The following PLA2R1 variants were observed in gnomAD, a reference collection of about 807,000 sequenced individuals.
The protein encoded by PLA2R1 is secretory phospholipase A2 receptor.
A neutral mutation model predicts 195.9 loss-of-function variants in PLA2R1; 158 were observed. The ratio of observed to expected loss-of-function variants is 0.81; its 90% CI spans 0.71 to 0.92. The LOEUF (loss-of-function observed/expected upper bound fraction) is 0.92, where lower values mean the gene tolerates loss of function less well. PLA2R1 is among the 40% of genes least tolerant of loss of function. The pLI is 0.00. For synonymous variants in PLA2R1, 586 were observed against 598.2 expected (o/e 0.98, Z 0.30); for missense variants, 1,626 against 1,764.6 (o/e 0.92, Z 1.41).
chr2:160,035,692 G>A (rs1172257919), intron 3 of PLA2R1, among the ~76,000 whole-genome samples: 1 of 152,154 alleles, frequency 6.6e-6, no homozygotes, highest in African/African-American at 2.4e-5. Flanking sequence ...TTTTCATGGT[G>A]TTATAAATAG....
intron 1 of PLA2R1, among the ~76,000 whole-genome samples, chr2:160,059,091 A>C (rs1368836012): frequency 6.6e-6 from 1 of 152,192 alleles, no homozygotes. Flanking sequence ...TCACATGCAC[A>C]GTTCACAATA....
In PLA2R1 at chr2:160,018,871, G is replaced by T. The variant is rs143945891; in HGVS notation, c.1452+1235C>A. 2.0e-3 allele frequency among the ~76,000 whole-genome samples: 307 copies of T among 152,328 alleles called. 1 individual carries two copies. Among genetic ancestry groups the T allele is most frequent in the Non-Finnish European group, 3.6e-3 (248 of 68,024 alleles). ...AGTGCTTAGAAATGCTTCCTGTTTT[G>T]CTGGCATAATTACTTTGTCAAGCCA... is the stretch of plus-strand genomic sequence containing the variant. On this transcript the variant is annotated intron_variant, in intron 8 of 29. Coordinates refer to ENST00000283243, the MANE Select transcript of PLA2R1 (RefSeq NM_007366.5).
chr2:160,031,808 C>A (rs921827355), intron 4 of PLA2R1, among the ~76,000 whole-genome samples: 1 of 152,012 alleles, frequency 6.6e-6, no homozygotes. Flanking sequence ...GTTCTGCCAC[C>A]CAGGCTGGAG....
At chr2:160,052,120 T>G (rs769887349) in intron 1 of PLA2R1, among the ~76,000 whole-genome samples, 6 of 152,232 alleles carry the variant, frequency 3.9e-5, no homozygotes, top group Non-Finnish European at 8.8e-5. Context: ...TTGCTAAATC[T>G]TTTTACATGT....
In PLA2R1 at chr2:159,936,950, G is replaced by T. The variant is rs148305921; in HGVS notation, c.*4828C>A. On this transcript the variant is annotated 3_prime_UTR_variant, in exon 30 of 30. Coordinates refer to ENST00000283243, the MANE Select transcript of PLA2R1 (RefSeq NM_007366.5). ...GAAACTTTGTTCATATAAATAAGTA[G>T]ATGGGAATAAAAGGAGGTTTGTTAT... is the stretch of plus-strand genomic sequence containing the variant. The T allele has an allele frequency of 2.6e-5, 4 of 152,298 alleles. No individual in the cohort carries two copies. The East Asian group carries it at 7.7e-4, about 29-fold the overall frequency. The allele number at this position is 152,298 out of a possible 1,614,324, so 9.4% of individuals were successfully genotyped here.
intron 11 of PLA2R1, among the ~76,000 whole-genome samples, chr2:159,995,173 A>C (rs903096486): frequency 2.6e-5 from 4 of 152,114 alleles, no homozygotes; most frequent in Non-Finnish European, 5.9e-5. Flanking sequence ...AAAGGGAAAC[A>C]CAGGAGCTTT....
At chr2:159,927,460 G>C (rs945622165), downstream of PLA2R1, among the ~76,000 whole-genome samples, 10 of 152,110 alleles carry the variant, frequency 6.6e-5, no homozygotes, top group African/African-American at 1.9e-4. Flanking sequence ...GGGATATTTT[G>C]CCATTCCTAA....
In PLA2R1 at chr2:159,935,493, G is replaced by A. The variant is rs549246009; in HGVS notation, c.*6285C>T. ...TTGTTTACATCAGTATGGACACACA[G>A]ATATTTATTGTGTGGGTTATAATCC... On this transcript the variant is annotated 3_prime_UTR_variant, in exon 30 of 30. Transcript: ENST00000283243. 1 of 152,300 alleles carries A rather than the reference G, an allele frequency of 6.6e-6. No individual in the cohort carries two copies. Among genetic ancestry groups the A allele is most frequent in the South Asian group, 2.1e-4 (1 of 4,822 alleles). The allele number at this position is 152,300 out of a possible 1,614,324, so 9.4% of individuals were successfully genotyped here.
intron 6 of PLA2R1, among the ~76,000 whole-genome samples, chr2:160,027,607 T>G (rs1328879165): frequency 6.6e-6 from 1 of 152,212 alleles, no homozygotes; most frequent in African/African-American, 2.4e-5. Context: ...TTTGTAATGA[T>G]TCTTTAAAAA....
rs116826116 is a variant in PLA2R1, at chr2:160,038,884, C to T, written c.667+3141G>A. ...GAGGGCGGGAGCGGGGGCAGGCGGG[C>T]GGCGACAGAGTCTTGCTCTGTCACC... On this transcript the variant is annotated intron_variant, in intron 3 of 29. Coordinates refer to ENST00000283243, the MANE Select transcript of PLA2R1 (RefSeq NM_007366.5). Among the ~76,000 whole-genome samples the T allele has an allele frequency of 4.3e-3, 657 of 151,920 alleles. 5 individuals carry two copies. Among genetic ancestry groups the T allele is most frequent in the African/African-American group, 0.015 (629 of 41,420 alleles).
At chr2:160,048,081 C>T (rs1432019909) in intron 1 of PLA2R1, among the ~76,000 whole-genome samples, 3 of 152,088 alleles carry the variant, frequency 2.0e-5, no homozygotes, top group Admixed American at 2.0e-4. Context: ...AATCCTCCCA[C>T]CTTGGCCTCC....
At chr2:160,051,890 A>G (rs908524684) in intron 1 of PLA2R1, among the ~76,000 whole-genome samples, 3 of 152,166 alleles carry the variant, frequency 2.0e-5, no homozygotes, top group African/African-American at 7.2e-5. Context: ...CTGAGTTTTC[A>G]TGTGTCTCTT....
At chr2:159,981,325 T>C (rs1044500077) in intron 13 of PLA2R1, among the ~76,000 whole-genome samples, 1 of 140,122 alleles carries the variant, frequency 7.1e-6, no homozygotes, top group African/African-American at 3.3e-5. Context: ...AACTATGAGA[T>C]CTGGTATGTT....
chr2:159,953,667 C>A (rs1393432240), intron 23 of PLA2R1, among the ~76,000 whole-genome samples: 1 of 152,178 alleles, frequency 6.6e-6, no homozygotes, highest in Non-Finnish European at 1.5e-5. Context: ...CTCTCAATCA[C>A]CACTATTCTG....
At chr2:160,021,631 A>T (rs953976100) in intron 7 of PLA2R1, among the ~76,000 whole-genome samples, 2 of 152,224 alleles carry the variant, frequency 1.3e-5, no homozygotes, top group Non-Finnish European at 2.9e-5. Context: ...TCCAAAAGGT[A>T]GCAGAGGTGA....
chr2:159,976,081 C>A lies in PLA2R1; in HGVS notation c.2582G>T (p.Ser861Ile), dbSNP rs778512870. 1 of 1,609,056 alleles carries A rather than the reference C, an allele frequency of 6.2e-7. No individual in the cohort carries two copies. Among genetic ancestry groups the A allele is most frequent in the Non-Finnish European group, 8.5e-7 (1 of 1,177,584 alleles). ...HSAHEQEFIH[S>I]KIKALSKYGA... ...ATGTTCAAGTACCGCTTTTATTTTG[C>A]TGTGGATGAATTCTTGCTCATGTGC... Residue 861 changes from serine (S) to isoleucine (I), a missense_variant, in exon 17 of 30, where the codon AGC becomes ATC. Transcript: ENST00000283243.
intron 13 of PLA2R1, among the ~76,000 whole-genome samples, chr2:159,981,236 T>C (rs1689930312): frequency 6.6e-6 from 1 of 151,896 alleles, no homozygotes. Flanking sequence ...TGTGTGTGTG[T>C]GTGTGTGTCT....
At chr2:160,024,408 C>T (rs1016152488) in intron 6 of PLA2R1, among the ~76,000 whole-genome samples, 3 of 152,178 alleles carry the variant, frequency 2.0e-5, no homozygotes, top group African/African-American at 7.2e-5. Flanking sequence ...GCTTATCACC[C>T]TGCCTCCAAA....
At chr2:160,005,984 T>C (rs569926986) in intron 10 of PLA2R1, among the ~76,000 whole-genome samples, 163 bp from the exon 11 acceptor site, 1 of 152,200 alleles carries the variant, frequency 6.6e-6, no homozygotes. Flanking sequence ...ACATTACTAA[T>C]AAATGCCGAA....
Sources: allele counts gnomAD v4.1 joint callset (sites outside exome capture counted in the v4.1 genomes callset), GRCh38; gene constraint gnomAD v4.1.1; transcripts MANE v1.5; gene names NCBI Gene and HGNC (gene_info 2026-07-23, HGNC 2026-07-21).